TENM2: variants seen among roughly 807,000 people sequenced by gnomAD.
TENM2 encodes teneurin transmembrane protein 2.
In TENM2, 52 loss-of-function variants were observed where a neutral mutation model predicts 245.2. The observed-to-expected ratio is 0.21, with a 90% CI of 0.17 to 0.27. The LOEUF is 0.27. Among genes scored for constraint, TENM2 ranks in the 10% least tolerant of loss-of-function variants. The pLI is 1.00. For missense variants in TENM2, 3,046 were observed against 3,666.8 expected (o/e 0.83, Z 4.37); for synonymous variants, 1,363 against 1,438.9 (o/e 0.95, Z 1.19).
the TENM2 span, among the ~76,000 whole-genome samples, chr5:167,167,865 G>A: frequency 6.6e-6 from 1 of 152,122 alleles, no homozygotes; most frequent in Admixed American, 6.5e-5. Context: ...CTTAGAAGAA[G>A]CAGGAGACTT....
intron 1 of TENM2, among the ~76,000 whole-genome samples, chr5:167,362,345 G>T (rs562662587): frequency 6.6e-6 from 1 of 152,240 alleles, no homozygotes; most frequent in Non-Finnish European, 1.5e-5. Context: ...TGATTTAAAA[G>T]AATTCTTTTA....
At chr5:167,745,857 C>T (rs1216758723) in intron 2 of TENM2, among the ~76,000 whole-genome samples, 1 of 152,188 alleles carries the variant, frequency 6.6e-6, no homozygotes, top group Non-Finnish European at 1.5e-5. Flanking sequence ...TCTGCTGATA[C>T]AGGTTTACCA....
At chr5:167,755,470 A>G (rs551314930) in intron 2 of TENM2, among the ~76,000 whole-genome samples, 1 of 146,302 alleles carries the variant, frequency 6.8e-6, no homozygotes, top group Non-Finnish European at 1.5e-5. Context: ...AAAAAAAAAT[A>G]TGTGAAAATA....
At chr5:167,174,073 T>C in the TENM2 span, among the ~76,000 whole-genome samples, 1 of 152,022 alleles carries the variant, frequency 6.6e-6, no homozygotes, top group East Asian at 1.9e-4. Context: ...GACAGAGCTA[T>C]GGTGTGCAAG....
intron 1 of TENM2, among the ~76,000 whole-genome samples, chr5:167,343,692 T>A (rs942525371): frequency 1.1e-4 from 16 of 152,148 alleles, no homozygotes; most frequent in Non-Finnish European, 1.8e-4. Flanking sequence ...CTGCATTTTT[T>A]AAAAAAATGA....
chr5:167,984,340 A>AGAT (rs1363981011), intron 4 of TENM2, among the ~76,000 whole-genome samples: 1 of 152,190 alleles, frequency 6.6e-6, no homozygotes, highest in Non-Finnish European at 1.5e-5. Flanking sequence ...AAAGTACAGG[A>AGAT]GATGTTTACT....
intron 2 of TENM2, among the ~76,000 whole-genome samples, chr5:167,779,597 G>A (rs1283526872): frequency 2.0e-5 from 3 of 152,160 alleles, no homozygotes; most frequent in Admixed American, 1.3e-4. Context: ...TCTGTCCTTC[G>A]TTTGTAGTCT....
chr5:167,738,662 T>C (rs1760967600), intron 2 of TENM2, among the ~76,000 whole-genome samples: 1 of 152,166 alleles, frequency 6.6e-6, no homozygotes, highest in South Asian at 2.1e-4. Context: ...TTCCTGTCAG[T>C]TCTGGAGGCT....
At chr5:167,685,648 T>C (rs951172085) in intron 2 of TENM2, among the ~76,000 whole-genome samples, 1 of 152,166 alleles carries the variant, frequency 6.6e-6, no homozygotes, top group Non-Finnish European at 1.5e-5. Context: ...CAAAATCTTT[T>C]TATAAGAGTT....
intron 2 of TENM2, among the ~76,000 whole-genome samples, chr5:167,713,296 C>T (rs933817474): frequency 1.3e-5 from 2 of 151,382 alleles, no homozygotes; most frequent in East Asian, 1.9e-4. Flanking sequence ...GCCCAGAAAT[C>T]GGGAAGCTCC....
At chr5:167,023,559 A>T in the TENM2 span, among the ~76,000 whole-genome samples, 32 of 152,344 alleles carry the variant, frequency 2.1e-4, no homozygotes, top group Admixed American at 1.6e-3. Flanking sequence ...CATCTAATAA[A>T]AATGTCATTC....
chr5:167,321,234 T>C (rs1253130258), intron 1 of TENM2, among the ~76,000 whole-genome samples: 1 of 152,070 alleles, frequency 6.6e-6, no homozygotes, highest in Non-Finnish European at 1.5e-5. Context: ...AAGAGTAAGA[T>C]GCAAACTCAT....
At chr5:167,575,645 T>C (rs1220969925) in intron 2 of TENM2, among the ~76,000 whole-genome samples, 1 of 152,084 alleles carries the variant, frequency 6.6e-6, no homozygotes, top group Non-Finnish European at 1.5e-5. Context: ...CCAGAGATAA[T>C]CTCTGGTGGA....
chr5:167,783,347 G>T (rs937541902), intron 2 of TENM2, among the ~76,000 whole-genome samples: 1 of 152,062 alleles, frequency 6.6e-6, no homozygotes, highest in Non-Finnish European at 1.5e-5. Flanking sequence ...AGGGGCAGGA[G>T]TGAGCCGTGT....
At chr5:168,161,087 T>A (rs189778531) in intron 12 of TENM2, among the ~76,000 whole-genome samples, 1 of 152,074 alleles carries the variant, frequency 6.6e-6, no homozygotes, top group African/African-American at 2.4e-5. Context: ...TCATAAGGGG[T>A]ACTCAAGAGA....
chr5:167,165,374 G>A, the TENM2 span: 1 of 152,182 alleles, frequency 6.6e-6, no homozygotes, highest in Non-Finnish European at 1.5e-5. Context: ...GGCTAGAAAA[G>A]GGGAGTAAGA....
the TENM2 span, among the ~76,000 whole-genome samples, chr5:166,998,249 G>C: frequency 6.6e-6 from 1 of 152,180 alleles, no homozygotes; most frequent in Non-Finnish European, 1.5e-5. Context: ...TCCATGATAA[G>C]ATTAGGGAGG....
At position 167,329,585 on chromosome 5, in the gene TENM2, T is replaced by A. The variant is rs932981240; in HGVS notation, c.226+44522T>A. Reference sequence around the variant, plus strand: ...AAAAAAAAAAAAAAAAAAAAAGAGGTGGCATACTCCCCTTACGTTTTTGTT... The same window carrying A: ...AAAAAAAAAAAAAAAAAAAAAGAGGAGGCATACTCCCCTTACGTTTTTGTT... On this transcript the variant is annotated intron_variant, in intron 1 of 28. Coordinates refer to ENST00000518659, the Ensembl canonical transcript of TENM2. 5.2e-3 allele frequency among the ~76,000 whole-genome samples: 465 copies of A among 89,340 alleles called. 4 individuals carry two copies. Among genetic ancestry groups the A allele is most frequent in the African/African-American group, 0.019 (447 of 23,968 alleles). 58.6% of individuals were successfully genotyped at this position (89,340 alleles called of 152,430 possible).
the TENM2 span, among the ~76,000 whole-genome samples, chr5:167,235,045 G>A: frequency 6.6e-6 from 1 of 152,124 alleles, no homozygotes; most frequent in African/African-American, 2.4e-5. Flanking sequence ...AAAAACAGTA[G>A]GAATGTATTT....
Sources: allele counts gnomAD v4.1 joint callset (sites outside exome capture counted in the v4.1 genomes callset), GRCh38; gene constraint gnomAD v4.1.1; transcripts MANE v1.5; gene names NCBI Gene and HGNC (gene_info 2026-07-23, HGNC 2026-07-21).